ZNF468: variants seen among roughly 807,000 people sequenced by gnomAD.
The protein encoded by ZNF468 is zinc finger protein ZNF468.
In ZNF468, 8 loss-of-function variants were observed where a neutral mutation model predicts 7.2. The ratio of observed to expected loss-of-function variants is 1.11; its 90% CI spans 0.65 to 2.01. The LOEUF is 2.01. Ranked by LOEUF, ZNF468 falls within the 30% of genes most tolerant of loss-of-function variation. The probability of loss-of-function intolerance (pLI) is 0.00; values close to 1 mark genes in which losing one functional copy is unlikely to be tolerated. For synonymous variants in ZNF468, 218 were observed against 214.4 expected, an observed-to-expected ratio of 1.02 and a Z score of -0.15; for missense variants, 608 against 626.5, an observed-to-expected ratio of 0.97 and a Z score of 0.31.
At chr19:52,849,401 A>G in intron 2 of ZNF468, 188 bp from the exon 3 acceptor site, 1 of 1,153,634 alleles carries the variant, frequency 8.7e-7, no homozygotes, top group Non-Finnish European at 1.2e-6. Flanking sequence ...GAGTATTATC[A>G]AGACATACTC....
chr19:52,854,100 G>C, intron 2 of ZNF468, 158 bp downstream of exon 2: 1 of 1,554,898 alleles, frequency 6.4e-7, no homozygotes. Context: ...GGTCACGAGA[G>C]ACGGAACCTA....
At position 52,840,585 on chromosome 19, in the gene ZNF468, A is replaced by T; in HGVS notation, c.*140T>A. ...AAGGTTTCTCTCCAGTATGAAGTCTATGGTGATGTGCAAAGGTTGCTTTTT... is the reference window on the plus strand; with the variant it reads ...AAGGTTTCTCTCCAGTATGAAGTCTTTGGTGATGTGCAAAGGTTGCTTTTT... On this transcript the variant is annotated 3_prime_UTR_variant, in exon 4 of 4. Coordinates refer to ENST00000595646, the MANE Select transcript of ZNF468 (RefSeq NM_001008801.2). 1 of 1,416,710 alleles carries T rather than the reference A, an allele frequency of 7.1e-7. No individual in the cohort carries two copies. Among genetic ancestry groups the T allele is most frequent in the Non-Finnish European group, 1.0e-6 (1 of 1,003,238 alleles). 87.8% of individuals were successfully genotyped at this position (1,416,710 alleles called of 1,614,324 possible). A position where few individuals can be genotyped will look rare whatever the true frequency, so the allele number is the denominator to read the frequency against.
chr19:52,845,297 C>CT (rs2063333961), intron 3 of ZNF468: 1 of 151,688 alleles, frequency 6.6e-6, no homozygotes, highest in African/African-American at 2.4e-5. Context: ...GACCAAAACT[C>CT]TGTCTCAGAG....
At chr19:52,851,048 A>G (rs1303104675) in intron 2 of ZNF468, among the ~76,000 whole-genome samples, 2 of 152,086 alleles carry the variant, frequency 1.3e-5, no homozygotes, top group Non-Finnish European at 2.9e-5. Flanking sequence ...TGAAGCAGAC[A>G]GATCACCTGA....
In ZNF468 at chr19:52,854,150, T is replaced by C. The variant is rs183508346; in HGVS notation, c.15+108A>G. 7 of 1,599,664 alleles carry C rather than the reference T, an allele frequency of 4.4e-6. No homozygotes were observed. In the African/African-American group the frequency reaches 6.7e-5, roughly 15 times the overall value. The stretch of plus-strand genomic sequence containing the variant: ...GACTGAAGGAAGGCATAAGTGAGGG[T>C]GAGCAAACATGTCAGGCAGGTCATT... On this transcript the variant is annotated intron_variant, in intron 2 of 3. Coordinates refer to ENST00000595646, the MANE Select transcript of ZNF468 (RefSeq NM_001008801.2).
Position 52,839,893 on chromosome 19 carries a change from C to A in ZNF468, c.*832G>T. ...TTGTAAGATCTCTTCACTGTGGATT[C>A]TCCAATGATGTGCAATGGTTGTAGC... On this transcript the variant is annotated 3_prime_UTR_variant, in exon 4 of 4. Coordinates refer to ENST00000595646, the MANE Select transcript of ZNF468 (RefSeq NM_001008801.2). 1 of 825,992 alleles carries A rather than the reference C, an allele frequency of 1.2e-6. No individual in the cohort carries two copies. Among genetic ancestry groups the A allele is most frequent in the South Asian group, 1.4e-5 (1 of 71,614 alleles). 51.2% of individuals were successfully genotyped at this position (825,992 alleles called of 1,614,324 possible).
chr19:52,851,394 G>A (rs1199555107), intron 2 of ZNF468, among the ~76,000 whole-genome samples: 4 of 152,134 alleles, frequency 2.6e-5, no homozygotes, highest in South Asian at 2.1e-4. Context: ...GGCTAAAAAG[G>A]TGAAACCCTG....
chr19:52,842,351 G>T (rs547755174), intron 3 of ZNF468, among the ~76,000 whole-genome samples, 200 bp from the exon 4 acceptor site: 3 of 152,216 alleles, frequency 2.0e-5, no homozygotes, highest in Admixed American at 2.0e-4. Flanking sequence ...TTCTATGGAA[G>T]CCTATTTCCA....
In ZNF468 at chr19:52,839,047, T is replaced by C. The variant is rs890583615; in HGVS notation, c.*1678A>G. 6.6e-6 allele frequency: 1 copy of C among 152,180 alleles called. No individual in the cohort carries two copies. The highest frequency in any genetic ancestry group is 6.6e-5 in the Admixed American group (1 of 15,258). The allele number at this position is 152,180 out of a possible 1,614,324, so 9.4% of individuals were successfully genotyped here. Reference sequence around the variant, plus strand: ...TCGGGTGGATCATAAAGTCAGAAGATAGAGACCATTCTGGCTAACACGGTG... The same window carrying C: ...TCGGGTGGATCATAAAGTCAGAAGACAGAGACCATTCTGGCTAACACGGTG... On this transcript the variant is annotated 3_prime_UTR_variant, in exon 4 of 4. Coordinates refer to ENST00000595646, the MANE Select transcript of ZNF468 (RefSeq NM_001008801.2).
At chr19:52,855,113 G>C (rs1418604319) in intron 1 of ZNF468, among the ~76,000 whole-genome samples, 1 of 152,000 alleles carries the variant, frequency 6.6e-6, no homozygotes, top group Non-Finnish European at 1.5e-5. Flanking sequence ...AGGAGATACA[G>C]GTTGCAGTGA....
intron 1 of ZNF468, among the ~76,000 whole-genome samples, chr19:52,856,530 TGGAC>T (rs1432522751): frequency 1.6e-5 from 2 of 124,100 alleles, no homozygotes; most frequent in African/African-American, 2.7e-5. Flanking sequence ...TATAACCCCC[TGGAC>T]CCAATCTGGC....
chr19:52,847,875 G>C (rs2063353594), intron 3 of ZNF468, among the ~76,000 whole-genome samples: 1 of 152,100 alleles, frequency 6.6e-6, no homozygotes, highest in Non-Finnish European at 1.5e-5. Context: ...AAATACTGAG[G>C]GAACTCAAGA....
intron 2 of ZNF468, among the ~76,000 whole-genome samples, chr19:52,850,722 A>AT (rs2063381054): frequency 6.6e-6 from 1 of 151,614 alleles, no homozygotes. Context: ...ACACGGTGAA[A>AT]CCCCATCTCT....
intron 2 of ZNF468, 134 bp downstream of exon 2, chr19:52,854,124 G>C (rs1489950555): frequency 6.3e-7 from 1 of 1,583,394 alleles, no homozygotes; most frequent in Admixed American, 1.7e-5. Flanking sequence ...GAGATGAGAG[G>C]GACTGAAGGA....
chr19:52,854,747 G>A lies in ZNF468; in HGVS notation c.-73-402C>T, dbSNP rs148468996. On this transcript the variant is annotated intron_variant, in intron 1 of 3. Transcript: ENST00000595646. Reference sequence around the variant, plus strand: ...CTACTAAAAATACAAAAATTGGGCCGGGCACATTGGCTCATGCCTGTAATA... The same window carrying A: ...CTACTAAAAATACAAAAATTGGGCCAGGCACATTGGCTCATGCCTGTAATA... 6.9e-4 allele frequency among the ~76,000 whole-genome samples: 105 copies of A among 151,842 alleles called. 1 individual carries two copies. The highest frequency in any genetic ancestry group is 1.2e-3 in the Non-Finnish European group (83 of 67,936).
rs371645428 is a variant in ZNF468, at chr19:52,854,249, T to C, written c.15+9A>G. On this transcript the variant is annotated intron_variant, in intron 2 of 3. Coordinates refer to ENST00000595646, the MANE Select transcript of ZNF468 (RefSeq NM_001008801.2). The stretch of plus-strand genomic sequence containing the variant: ...GAGACAGAACAATCCACCGAGGATA[T>C]CATCTCACCTGAGGAAGAGCCATCC... The C allele has an allele frequency of 8.1e-6, 13 of 1,613,794 alleles. No individual in the cohort carries two copies. Among genetic ancestry groups the C allele is most frequent in the South Asian group, 3.3e-5 (3 of 91,066 alleles).
intron 1 of ZNF468, among the ~76,000 whole-genome samples, chr19:52,856,546 C>A (rs994147233): frequency 7.2e-6 from 1 of 139,268 alleles, no homozygotes; most frequent in African/African-American, 2.6e-5. Flanking sequence ...CAATCTGGCA[C>A]CCCAGATCCC....
intron 3 of ZNF468, among the ~76,000 whole-genome samples, chr19:52,843,120 CAAAAAAAA>C (rs11356842): frequency 1.5e-5 from 1 of 68,688 alleles, no homozygotes; most frequent in Non-Finnish European, 3.2e-5. Flanking sequence ...GACTCTGTCT[CAAAAAAAA>C]AAAAAAAAAA....
chr19:52,841,013 T>C lies in ZNF468; in HGVS notation c.1281A>G (p.Glu427=), dbSNP rs751692771. 2 of 1,613,002 alleles carry C rather than the reference T, an allele frequency of 1.2e-6. No homozygotes were observed. Among genetic ancestry groups the C allele is most frequent in the African/African-American group, 2.7e-5 (2 of 74,864 alleles). Residue 427 remains glutamate (E), a synonymous_variant, in exon 4 of 4, where the codon GAA becomes GAG. Coordinates refer to ENST00000595646, the MANE Select transcript of ZNF468 (RefSeq NM_001008801.2). ...CTCCAGTATGAATCCTCCTGTGTCT[T>C]TCCAGGTTTGATTTGCGACTGAAAA... ...CKVFSRKSNL[E]RHRRIHTGEK...
Sources: gnomAD v4.1 joint callset for allele counts (sites outside exome capture counted in the v4.1 genomes callset) on GRCh38, gnomAD v4.1.1 for gene constraint, MANE v1.5 for transcripts, NCBI Gene and HGNC (gene_info 2026-07-23, HGNC 2026-07-21) for gene names.